The following DYNC1I1 variants were observed in gnomAD, a reference collection of about 807,000 sequenced individuals.
The protein encoded by DYNC1I1 is dynein cytoplasmic 1 intermediate chain 1, also known as cytoplasmic dynein 1 intermediate chain 1.
Under a neutral mutation model 86.6 loss-of-function variants are expected in DYNC1I1, and 43 were observed. The observed-to-expected ratio is 0.50, with a 90% CI of 0.39 to 0.64. The LOEUF (loss-of-function observed/expected upper bound fraction) is 0.64. DYNC1I1 is among the 30% of genes least tolerant of loss of function. DYNC1I1 has a pLI of 0.00. For synonymous variants in DYNC1I1, 262 were observed against 283.7 expected, an observed-to-expected ratio of 0.92 and a Z score of 0.77; for missense variants, 604 against 788.8, an observed-to-expected ratio of 0.77 and a Z score of 2.81.
chr7:95,965,553 C>T (rs1197382848), intron 6 of DYNC1I1, among the ~76,000 whole-genome samples: 1 of 152,080 alleles, frequency 6.6e-6, no homozygotes, highest in East Asian at 1.9e-4. Flanking sequence ...TTATTTACAG[C>T]AGAGGAAACT....
At chr7:96,050,890 TA>T (rs1056828065) in intron 14 of DYNC1I1, among the ~76,000 whole-genome samples, 9 of 152,024 alleles carry the variant, frequency 5.9e-5, no homozygotes, top group Non-Finnish European at 8.8e-5. Context: ...TATGATCCTT[TA>T]AAAAAAAGTA....
chr7:96,000,839 G>A (rs58370836), intron 10 of DYNC1I1, among the ~76,000 whole-genome samples: 2,548 of 152,294 alleles, frequency 0.017, 50 homozygotes, highest in African/African-American at 0.046. Context: ...AGATTGTATT[G>A]TAGGTGATTC....
At chr7:95,860,406 G>T (rs987955551) in intron 5 of DYNC1I1, among the ~76,000 whole-genome samples, 1 of 152,120 alleles carries the variant, frequency 6.6e-6, no homozygotes, top group Non-Finnish European at 1.5e-5. Context: ...AAACTCACCC[G>T]AAGAAATTTT....
intron 4 of DYNC1I1, among the ~76,000 whole-genome samples, chr7:95,815,651 ATTAACT>A (rs1441563743): frequency 6.6e-6 from 1 of 152,198 alleles, no homozygotes; most frequent in Non-Finnish European, 1.5e-5. Context: ...AACAATTTAT[ATTAACT>A]TTAACACTTC....
At chr7:95,900,003 A>G (rs1323032825) in intron 6 of DYNC1I1, among the ~76,000 whole-genome samples, 2 of 152,120 alleles carry the variant, frequency 1.3e-5, no homozygotes, top group Non-Finnish European at 2.9e-5. Flanking sequence ...TTTGTATGCA[A>G]GGAGGTATCT....
At chr7:95,983,165 T>G (rs550988493) in intron 7 of DYNC1I1, among the ~76,000 whole-genome samples, 1 of 152,240 alleles carries the variant, frequency 6.6e-6, no homozygotes, top group African/African-American at 2.4e-5. Flanking sequence ...TAAGTCTGAG[T>G]GTGCATATTG....
intron 6 of DYNC1I1, among the ~76,000 whole-genome samples, chr7:95,974,905 C>A (rs1315056319): frequency 6.6e-6 from 1 of 152,134 alleles, no homozygotes; most frequent in Non-Finnish European, 1.5e-5. Flanking sequence ...TAGAACATTG[C>A]AGCTGCTTGT....
At chr7:96,109,658 A>G (rs895189266) in intron 16 of DYNC1I1, among the ~76,000 whole-genome samples, 3 of 152,124 alleles carry the variant, frequency 2.0e-5, no homozygotes, top group African/African-American at 7.2e-5. Context: ...GTTGTATAGA[A>G]GTATATGGTT....
chr7:95,794,751 G>A (rs1278213317), intron 1 of DYNC1I1, among the ~76,000 whole-genome samples: 1 of 152,072 alleles, frequency 6.6e-6, no homozygotes, highest in Non-Finnish European at 1.5e-5. Context: ...AGTGAAAATA[G>A]GACTAGAGAC....
intron 5 of DYNC1I1, among the ~76,000 whole-genome samples, chr7:95,850,105 A>C (rs1789538385): frequency 6.6e-6 from 1 of 151,406 alleles, no homozygotes; most frequent in South Asian, 2.1e-4. Flanking sequence ...AAGGTTTTTT[A>C]GTGAAGTCTT....
intron 5 of DYNC1I1, among the ~76,000 whole-genome samples, chr7:95,857,260 A>G (rs897549076): frequency 2.0e-5 from 3 of 152,194 alleles, no homozygotes; most frequent in Non-Finnish European, 4.4e-5. Flanking sequence ...TTCATTAGGT[A>G]GTAGGCCTCA....
Position 95,863,942 on chromosome 7 carries a change from G to A in DYNC1I1, c.375-5941G>A, listed in dbSNP as rs1392966056. 2.6e-5 allele frequency among the ~76,000 whole-genome samples: 4 copies of A among 152,072 alleles called. No individual in the cohort carries two copies. The South Asian group carries it at 8.3e-4, about 31-fold the overall frequency. Reference sequence around the variant, plus strand: ...CATAACATCCCAAAATATCATTCACGTTTTTCTCAAAATTTCCTTTATCTT... The same window carrying A: ...CATAACATCCCAAAATATCATTCACATTTTTCTCAAAATTTCCTTTATCTT... On this transcript the variant is annotated intron_variant, in intron 5 of 16. Transcript: ENST00000447467.
intron 16 of DYNC1I1, among the ~76,000 whole-genome samples, chr7:96,090,983 T>A (rs980134632): frequency 2.0e-5 from 3 of 152,206 alleles, no homozygotes; most frequent in Admixed American, 6.5e-5. Flanking sequence ...GAAGCGGGTA[T>A]GCTTGGTCGT....
chr7:95,982,656 C>A (rs1027069415), intron 7 of DYNC1I1, among the ~76,000 whole-genome samples: 2 of 152,090 alleles, frequency 1.3e-5, no homozygotes, highest in African/African-American at 4.8e-5. Flanking sequence ...ATTCCTACTA[C>A]TTTGTTTAAT....
chr7:96,094,549 A>G (rs1449658505), intron 16 of DYNC1I1, among the ~76,000 whole-genome samples: 2 of 152,202 alleles, frequency 1.3e-5, no homozygotes, highest in African/African-American at 4.8e-5. Flanking sequence ...CTTGTTTGTT[A>G]GGACACCTGT....
chr7:95,785,775 G>GCATATA (rs1554382739), intron 1 of DYNC1I1, among the ~76,000 whole-genome samples: 8 of 124,906 alleles, frequency 6.4e-5, no homozygotes, highest in Non-Finnish European at 1.2e-4. Flanking sequence ...GTGTGTATGT[G>GCATATA]TATATATATA....
At position 95,836,302 on chromosome 7, in the gene DYNC1I1, C is replaced by G. The variant is rs1789087324; in HGVS notation, c.374+8186C>G. 2.0e-5 allele frequency among the ~76,000 whole-genome samples: 3 copies of G among 152,138 alleles called. No individual in the cohort carries two copies. In the South Asian group the frequency reaches 6.2e-4, roughly 32 times the overall value. ...AGAATGTTGAATATTGGCCCCCACT[C>G]TCTTCTGTCTTGTAGGGTTTCTGCC... On this transcript the variant is annotated intron_variant, in intron 5 of 16. Coordinates refer to ENST00000447467, the MANE Select transcript of DYNC1I1 (RefSeq NM_001135556.2).
intron 16 of DYNC1I1, among the ~76,000 whole-genome samples, chr7:96,084,529 TCTC>T (rs1187550193): frequency 1.3e-5 from 2 of 151,070 alleles, no homozygotes; most frequent in African/African-American, 4.9e-5. Flanking sequence ...TTCAAGCAAT[TCTC>T]CTGCCTTAGC....
At chr7:96,077,272 TGTGTGG>T (rs1790371634) in intron 15 of DYNC1I1, among the ~76,000 whole-genome samples, 2 of 150,482 alleles carry the variant, frequency 1.3e-5, no homozygotes, top group Admixed American at 6.6e-5. Context: ...TGTGTGTGTG[TGTGTGG>T]GAGGGGGCAG....
Sources: gnomAD v4.1 joint callset for allele counts (sites outside exome capture counted in the v4.1 genomes callset) on GRCh38, gnomAD v4.1.1 for gene constraint, MANE v1.5 for transcripts, NCBI Gene and HGNC (gene_info 2026-07-23, HGNC 2026-07-21) for gene names.